Variants in MMRN1 observed in about 807,000 individuals in gnomAD.
MMRN1 encodes the protein multimerin-1.
A neutral mutation model predicts 100.7 loss-of-function variants in MMRN1; 94 were observed. The ratio of observed to expected loss-of-function variants is 0.93; its 90% confidence interval spans 0.79 to 1.11. The LOEUF (loss-of-function observed/expected upper bound fraction) is 1.11, where lower values mean the gene tolerates loss of function less well. Ranked by LOEUF, MMRN1 falls within the 50% of genes least tolerant of loss-of-function variation. The pLI is 0.00. For synonymous variants in MMRN1, 575 were observed against 505.0 expected (o/e 1.14, Z -1.86); for missense variants, 1,606 against 1,439.1 (o/e 1.12, Z -1.88).
chr4:89,915,575 A>T lies in MMRN1; in HGVS notation c.850+3525A>T, dbSNP rs535934698. On this transcript the variant is annotated intron_variant, in intron 3 of 7. Transcript: ENST00000264790. ...AAGGTCTGGAAGGAAAACAAAAAAA[A>T]CTTGCAAATAAAATCCATCTAATTA... Among the ~76,000 whole-genome samples the T allele has an allele frequency of 4.6e-5, 7 of 151,520 alleles. No individual in the cohort carries two copies. The South Asian group carries it at 1.5e-3, about 31-fold the overall frequency.
At chr4:89,900,525 T>A (rs1721350706) in intron 1 of MMRN1, among the ~76,000 whole-genome samples, 1 of 152,116 alleles carries the variant, frequency 6.6e-6, no homozygotes, top group East Asian at 1.9e-4. Flanking sequence ...TTTTGTCACC[T>A]TTATTTTTTT....
Position 89,935,688 on chromosome 4 carries a change from G to C in MMRN1, c.2008G>C (p.Glu670Gln), listed in dbSNP as rs1306801611. 6.2e-7 allele frequency: 1 copy of C among 1,612,940 alleles called. No individual in the cohort carries two copies. The highest frequency in any genetic ancestry group is 1.1e-5 in the South Asian group (1 of 90,906). ...RQTMTYEQPK[E>Q]AIVIRKKIEN... ...GACAATGACATATGAACAACCAAAG[G>C]AAGCAATAGTGATAAGGAAAAAGAT... The change falls in exon 6 of 8, where the codon GAA becomes CAA. Residue 670 changes from glutamate (E) to glutamine (Q), a missense_variant. Coordinates refer to ENST00000264790, the MANE Select transcript of MMRN1 (RefSeq NM_007351.3).
chr4:89,897,562 G>C (rs1721249177), intron 1 of MMRN1, among the ~76,000 whole-genome samples: 1 of 152,096 alleles, frequency 6.6e-6, no homozygotes, highest in Non-Finnish European at 1.5e-5. Context: ...GACAATTCAA[G>C]TTAAAATAGC....
chr4:89,926,203 A>T (rs1275222587), intron 4 of MMRN1, among the ~76,000 whole-genome samples: 1 of 152,108 alleles, frequency 6.6e-6, no homozygotes, highest in East Asian at 1.9e-4. Flanking sequence ...GAACCTCCAA[A>T]CTGTTCTCCG....
upstream of MMRN1, chr4:89,894,739 T>G (rs1721134193): frequency 4.1e-6 from 2 of 483,718 alleles, no homozygotes; most frequent in Non-Finnish European, 6.7e-6. Flanking sequence ...TCAGAGACCC[T>G]TCAGCACTTC....
intron 1 of MMRN1, among the ~76,000 whole-genome samples, chr4:89,886,286 C>T (rs1720935606): frequency 1.3e-5 from 2 of 151,972 alleles, no homozygotes; most frequent in African/African-American, 2.4e-5. Flanking sequence ...TTTAAGACAT[C>T]CCTGTTATTG....
At chr4:89,900,280 G>T (rs768946005) in intron 1 of MMRN1, among the ~76,000 whole-genome samples, 3 of 152,098 alleles carry the variant, frequency 2.0e-5, no homozygotes, top group Non-Finnish European at 2.9e-5. Flanking sequence ...CACACTCCAA[G>T]ATCACTGCAC....
intron 1 of MMRN1, among the ~76,000 whole-genome samples, chr4:89,886,333 T>C (rs1720936847): frequency 6.6e-6 from 1 of 152,174 alleles, no homozygotes; most frequent in Admixed American, 6.6e-5. Flanking sequence ...GTATATTGTT[T>C]CATTTAAAAT....
At position 89,936,683 on chromosome 4, in the gene MMRN1, G is replaced by A. The variant is rs1339785008; in HGVS notation, c.3003G>A (p.Gln1001=). ...GTCTGGCAAATGTTGTCAAGTCTCA[G>A]AAGCAAGTAAAATCATTGCCAAAGA... is the stretch of plus-strand genomic sequence containing the variant. ...PGSLANVVKS[Q]KQVKSLPKKI... Residue 1001 remains glutamine (Q), a synonymous_variant, in exon 6 of 8, where the codon CAG becomes CAA. Transcript: ENST00000264790. 1 of 1,613,390 alleles carries A rather than the reference G, an allele frequency of 6.2e-7. No homozygotes were observed. The highest frequency in any genetic ancestry group is 1.3e-5 in the African/African-American group (1 of 74,884).
At chr4:89,881,550 G>A (rs1200806179) in intron 1 of MMRN1, among the ~76,000 whole-genome samples, 2 of 151,930 alleles carry the variant, frequency 1.3e-5, no homozygotes, top group Non-Finnish European at 2.9e-5. Context: ...TGTAAATGAA[G>A]GATGATAGAA....
rs756273573 is a variant in MMRN1 at position 89,935,465 on chromosome 4, G to A, written c.1785G>A (p.Met595Ile). The change falls in exon 6 of 8, where the codon ATG (methionine) becomes ATA (isoleucine). Residue 595 changes from methionine to isoleucine, a missense_variant. Transcript: ENST00000264790. ...CTCTCAGAGGTGAATGTGAAGACAT[G>A]TTATCCAAATGCAGAAATGATTTTA... ...KESLRGECED[M>I]LSKCRNDFKF... 6.2e-7 allele frequency: 1 copy of A among 1,613,532 alleles called. No homozygotes were observed. Among genetic ancestry groups the A allele is most frequent in the Non-Finnish European group, 8.5e-7 (1 of 1,179,750 alleles).
intron 6 of MMRN1, among the ~76,000 whole-genome samples, chr4:89,948,368 C>T (rs908974720): frequency 5.3e-5 from 8 of 152,188 alleles, no homozygotes; most frequent in Non-Finnish European, 8.8e-5. Context: ...GTGGCTGAAA[C>T]ATCTATACAG....
intron 1 of MMRN1, among the ~76,000 whole-genome samples, chr4:89,904,181 C>T (rs554787186): frequency 6.6e-6 from 1 of 151,796 alleles, no homozygotes; most frequent in Admixed American, 6.6e-5. Context: ...TCTTCTTCAA[C>T]TCTCTCTGAT....
Position 89,909,355 on chromosome 4 carries a change from A to G in MMRN1, c.703A>G (p.Lys235Glu). The change falls in exon 2 of 8, where the codon AAA (lysine) becomes GAA (glutamate). Residue 235 changes from lysine to glutamate, a missense_variant. By Grantham distance (56) the Lys-to-Glu change is moderately conservative (BLOSUM62 1). Transcript: ENST00000264790. The part of the protein sequence containing the change: ...DNQVTYVPGG[K>E]GPCGWTGGSC... ...CCAGGTCACTTATGTCCCAGGTGGG[A>G]AAGGACCTTGTGGCTGGACCGGTGG... The G allele has an allele frequency of 1.9e-6, 3 of 1,610,158 alleles. No homozygotes were observed. The South Asian group carries it at 3.3e-5, about 18-fold the overall frequency.
In MMRN1 at chr4:89,935,089, T is replaced by C. The variant is rs1264660443; in HGVS notation, c.1409T>C (p.Met470Thr). ...CACATTGTGAATGTAAGGCAAGAAATGACTCTTACATGTGAGAAGCCTATT... is the reference window on the plus strand; with the variant it reads ...CACATTGTGAATGTAAGGCAAGAAACGACTCTTACATGTGAGAAGCCTATT... ...RNHIVNVRQE[M>T]TLTCEKPIKE... Residue 470 changes from methionine (M) to threonine (T), a missense_variant, in exon 6 of 8, where the codon ATG becomes ACG. Physicochemically the swap from Met to Thr is moderately conservative, Grantham distance 81. Transcript: ENST00000264790. 2.5e-6 allele frequency: 4 copies of C among 1,613,630 alleles called. No individual in the cohort carries two copies. Among genetic ancestry groups the C allele is most frequent in the South Asian group, 1.1e-5 (1 of 91,076 alleles).
chr4:89,881,581 G>T lies in MMRN1; in HGVS notation c.-249+1979G>T, dbSNP rs1156495560. ...TAGAATATTATTGATATTAATTAAA[G>T]AATATTATTTAATATTCATTAAAGC... On this transcript the variant is annotated intron_variant, in intron 1 of 8. Transcript: ENST00000394980. Among the ~76,000 whole-genome samples, 5 of 151,934 alleles carry T rather than the reference G, an allele frequency of 3.3e-5. No individual in the cohort carries two copies. The East Asian group carries it at 5.8e-4, about 18-fold the overall frequency.
chr4:89,936,733 C>T lies in MMRN1; in HGVS notation c.3053C>T (p.Thr1018Met), dbSNP rs746029068. Residue 1018 changes from threonine to methionine, a missense_variant, in exon 6 of 8, where the codon ACG (threonine) becomes ATG (methionine). Physicochemically the swap from Thr to Met is moderately conservative, Grantham distance 81 (BLOSUM62 -1). Coordinates refer to ENST00000264790, the MANE Select transcript of MMRN1 (RefSeq NM_007351.3). The part of the protein sequence containing the change: ...PKKINALKKP[T>M]VNLTTVLIGR... ...AAAATTAACGCACTTAAGAAACCAACGGTAAATCTTACCACAGTCCTGATA... is the reference window on the plus strand; with the variant it reads ...AAAATTAACGCACTTAAGAAACCAATGGTAAATCTTACCACAGTCCTGATA... 2.6e-5 allele frequency: 42 copies of T among 1,612,904 alleles called. No individual in the cohort carries two copies. Among genetic ancestry groups the T allele is most frequent in the African/African-American group, 5.3e-5 (4 of 74,866 alleles).
intron 6 of MMRN1, among the ~76,000 whole-genome samples, chr4:89,944,038 A>G (rs113552040): frequency 0.024 from 3,681 of 152,120 alleles, 130 homozygotes; most frequent in African/African-American, 0.082. Context: ...ATGTTCTGTT[A>G]TATTTTATAC....
chr4:89,909,417 T>C (rs1373039582), intron 2 of MMRN1, 22 bp downstream of exon 2: 4 of 1,607,182 alleles, frequency 2.5e-6, no homozygotes, highest in Non-Finnish European at 3.4e-6. Flanking sequence ...TTCTTGAAAA[T>C]AGCCACTGTT....
Sources: allele counts gnomAD v4.1 joint callset (sites outside exome capture counted in the v4.1 genomes callset), GRCh38; gene constraint gnomAD v4.1.1; transcripts MANE v1.5; gene names NCBI Gene and HGNC (gene_info 2026-07-23, HGNC 2026-07-21).